ATXN7L1: variants seen among roughly 807,000 people sequenced by gnomAD.
ATXN7L1 encodes the protein ataxin-7-like protein 1.
In ATXN7L1, 15 loss-of-function variants were observed where a neutral mutation model predicts 70.8. The observed-to-expected ratio is 0.21, with a 90% confidence interval of 0.14 to 0.33. The LOEUF is 0.33. Among genes scored for constraint, ATXN7L1 ranks in the 10% least tolerant of loss-of-function variants. The pLI, the probability that ATXN7L1 is intolerant of heterozygous loss-of-function variation, is 1.00. For synonymous variants in ATXN7L1, 440 were observed against 445.1 expected (o/e 0.99, Z 0.14); for missense variants, 975 against 1,097.1 (o/e 0.89, Z 1.57).
intron 7 of ATXN7L1, among the ~76,000 whole-genome samples, chr7:105,625,998 A>AT (rs1315026153): frequency 2.0e-5 from 3 of 152,216 alleles, no homozygotes; most frequent in Non-Finnish European, 4.4e-5. Flanking sequence ...AGCACTGCTG[A>AT]TCTGTCTCCC....
chr7:105,773,130 T>C (rs1350222362), intron 3 of ATXN7L1, among the ~76,000 whole-genome samples: 1 of 152,234 alleles, frequency 6.6e-6, no homozygotes, highest in East Asian at 1.9e-4. Context: ...TTTTTTCCTA[T>C]GTGTGGCCTA....
At chr7:105,803,302 G>C (rs1226628688) in intron 2 of ATXN7L1, among the ~76,000 whole-genome samples, 2 of 152,354 alleles carry the variant, frequency 1.3e-5, no homozygotes, top group South Asian at 4.1e-4. Flanking sequence ...ATGGCCAAGG[G>C]CCCTTCTTCT....
chr7:105,735,414 A>AT (rs1319050831), intron 3 of ATXN7L1, among the ~76,000 whole-genome samples: 6 of 152,110 alleles, frequency 3.9e-5, no homozygotes, highest in African/African-American at 7.2e-5. Flanking sequence ...TATTATTATT[A>AT]TTTTTTTAAC....
intron 3 of ATXN7L1, among the ~76,000 whole-genome samples, chr7:105,676,503 T>A (rs114874972): frequency 1.3e-5 from 2 of 152,152 alleles, no homozygotes; most frequent in African/African-American, 4.8e-5. Flanking sequence ...CCCCAGGATC[T>A]TGGGGAGAAG....
At chr7:105,740,024 A>G (rs1167439392) in intron 3 of ATXN7L1, among the ~76,000 whole-genome samples, 1 of 152,244 alleles carries the variant, frequency 6.6e-6, no homozygotes, top group African/African-American at 2.4e-5. Context: ...TATACTGTAT[A>G]TATAGCTCCA....
At chr7:105,823,316 A>G (rs1352326344) in intron 2 of ATXN7L1, among the ~76,000 whole-genome samples, 1 of 152,198 alleles carries the variant, frequency 6.6e-6, no homozygotes, top group East Asian at 1.9e-4. Flanking sequence ...CTCATACAGC[A>G]GAGGCAACCC....
intron 3 of ATXN7L1, among the ~76,000 whole-genome samples, chr7:105,726,381 C>A (rs181626794): frequency 7.9e-5 from 12 of 152,242 alleles, no homozygotes; most frequent in Middle Eastern, 3.4e-3. Flanking sequence ...CTTAATGTAT[C>A]CCCCATCCCT....
intron 3 of ATXN7L1, among the ~76,000 whole-genome samples, chr7:105,726,529 C>T (rs1795837605): frequency 6.6e-6 from 1 of 152,162 alleles, no homozygotes; most frequent in South Asian, 2.1e-4. Flanking sequence ...CCTCTGTCTC[C>T]TTAGTGCTGG....
intron 3 of ATXN7L1, among the ~76,000 whole-genome samples, chr7:105,729,100 AAAT>A (rs1490801332): frequency 1.3e-5 from 2 of 152,006 alleles, no homozygotes; most frequent in Admixed American, 1.3e-4. Flanking sequence ...CCATCTCTAC[AAAT>A]AATAATAATT....
chr7:105,827,537 A>T (rs1425106291), intron 2 of ATXN7L1, among the ~76,000 whole-genome samples: 3 of 152,180 alleles, frequency 2.0e-5, no homozygotes, highest in Admixed American at 6.5e-5. Context: ...CAACCAAATG[A>T]GGTTGAAAAT....
rs1563049249 is a variant in ATXN7L1 at position 105,733,677 on chromosome 7, T to TCCAC, written c.355+54923_355+54926dup. Among the ~76,000 whole-genome samples, 15 of 74,372 alleles carry TCCAC rather than the reference T, an allele frequency of 2.0e-4. 1 individual carries two copies. Among genetic ancestry groups the TCCAC allele is most frequent in the Admixed American group, 5.7e-4 (4 of 6,972 alleles). The allele number at this position is 74,372 out of a possible 152,430, so 48.8% of individuals were successfully genotyped here. A position where few individuals can be genotyped will look rare whatever the true frequency, so the allele number is the denominator to read the frequency against. On this transcript the variant is annotated intron_variant, in intron 3 of 11. Transcript: ENST00000419735. ...ATCCATCCATCCATCCATCCATCCATCCACCCATCCACCCATCCATCCATT... is the reference window on the plus strand; with the variant it reads ...ATCCATCCATCCATCCATCCATCCATCCACCCACCCATCCACCCATCCATCCATT...
intron 4 of ATXN7L1, among the ~76,000 whole-genome samples, chr7:105,657,856 T>G (rs1372722397): frequency 6.6e-6 from 1 of 152,124 alleles, no homozygotes; most frequent in Non-Finnish European, 1.5e-5. Context: ...TAAGTCTGTT[T>G]AGAACAACTT....
intron 4 of ATXN7L1, among the ~76,000 whole-genome samples, chr7:105,652,953 T>C (rs1800080086): frequency 6.6e-6 from 1 of 152,170 alleles, no homozygotes; most frequent in African/African-American, 2.4e-5. Flanking sequence ...CTTTTTTGTA[T>C]TAGAATCCGG....
intron 3 of ATXN7L1, among the ~76,000 whole-genome samples, chr7:105,748,443 G>A (rs1021826011): frequency 2.0e-5 from 3 of 152,194 alleles, no homozygotes; most frequent in African/African-American, 7.2e-5. Flanking sequence ...CCATCTTAGG[G>A]ATCTCTCTCC....
chr7:105,752,932 TCATAGTGAATTGAAGAC>T (rs551838548), intron 3 of ATXN7L1, among the ~76,000 whole-genome samples: 135 of 152,258 alleles, frequency 8.9e-4, no homozygotes, highest in African/African-American at 3.2e-3. Context: ...GCCACCAAGC[TCATAGTGAATTGAAGAC>T]CATAGTGAAT....
At chr7:105,756,677 G>A (rs917310537) in intron 3 of ATXN7L1, among the ~76,000 whole-genome samples, 2 of 152,184 alleles carry the variant, frequency 1.3e-5, no homozygotes, top group African/African-American at 4.8e-5. Context: ...ATTCACTTAT[G>A]CAAGAAATGA....
At chr7:105,642,697 T>C in intron 5 of ATXN7L1, 141 bp downstream of exon 5, 1 of 1,076,778 alleles carries the variant, frequency 9.3e-7, no homozygotes, top group Non-Finnish European at 1.3e-6. Context: ...TTAGGTGGGG[T>C]TCCTGTTTGC....
At chr7:105,871,852 G>A (rs888852812) in intron 2 of ATXN7L1, among the ~76,000 whole-genome samples, 1 of 152,182 alleles carries the variant, frequency 6.6e-6, no homozygotes, top group Non-Finnish European at 1.5e-5. Flanking sequence ...GTGGAGAACT[G>A]AAAGAAATGG....
intron 3 of ATXN7L1, among the ~76,000 whole-genome samples, chr7:105,759,120 T>C (rs1049690246): frequency 2.0e-5 from 3 of 150,226 alleles, no homozygotes; most frequent in African/African-American, 4.9e-5. Flanking sequence ...CTAAATTATA[T>C]AAAAATATTA....
Sources: gnomAD v4.1 joint callset for allele counts (sites outside exome capture counted in the v4.1 genomes callset) on GRCh38, gnomAD v4.1.1 for gene constraint, MANE v1.5 for transcripts, NCBI Gene and HGNC (gene_info 2026-07-23, HGNC 2026-07-21) for gene names.